Variants in VAV2 observed in about 807,000 individuals in gnomAD.
VAV2 encodes vav guanine nucleotide exchange factor 2, also known as guanine nucleotide exchange factor VAV2.
A neutral mutation model predicts 132.5 loss-of-function variants in VAV2; 67 were observed. The observed-to-expected ratio is 0.51, with a 90% CI of 0.42 to 0.62. The LOEUF is 0.62. Among genes scored for constraint, VAV2 ranks in the 20% least tolerant of loss-of-function variants. VAV2 has a pLI of 0.00. For synonymous variants in VAV2, 492 were observed against 443.5 expected, an observed-to-expected ratio of 1.11 and a Z score of -1.37; for missense variants, 938 against 1,153.6, an observed-to-expected ratio of 0.81 and a Z score of 2.71.
chr9:133,773,884 T>G (rs1203394051), intron 25 of VAV2, among the ~76,000 whole-genome samples: 1 of 152,230 alleles, frequency 6.6e-6, no homozygotes, highest in South Asian at 2.1e-4. Flanking sequence ...TCTATATGAC[T>G]GGCAGCACTG....
intron 3 of VAV2, among the ~76,000 whole-genome samples, chr9:133,856,061 C>T (rs778084658): frequency 2.6e-5 from 4 of 152,194 alleles, no homozygotes; most frequent in Non-Finnish European, 2.9e-5. Context: ...GCGAAAGGCA[C>T]GCACCGTATG....
At chr9:133,905,752 T>C (rs537565824) in intron 2 of VAV2, among the ~76,000 whole-genome samples, 45 of 152,018 alleles carry the variant, frequency 3.0e-4, no homozygotes, top group Non-Finnish European at 5.2e-4. Flanking sequence ...GAGGCTCCTA[T>C]AGCTGGGCGA....
Position 133,763,870 on chromosome 9 carries a change from T to C in VAV2, c.*192A>G, listed in dbSNP as rs566762620. ...CTATGTACAATAGCATACCCAGTGATGGGTCGCCGAGGGCAGGCTGACAGT... is the reference window on the plus strand; with the variant it reads ...CTATGTACAATAGCATACCCAGTGACGGGTCGCCGAGGGCAGGCTGACAGT... On this transcript the variant is annotated 3_prime_UTR_variant, in exon 30 of 30. Coordinates refer to ENST00000371850, the MANE Select transcript of VAV2 (RefSeq NM_001134398.2). The surrounding 1 kb of genome is among the most constrained non-coding windows in gnomAD (Gnocchi z 6.8). 1 of 659,858 alleles carries C rather than the reference T, an allele frequency of 1.5e-6. No individual in the cohort carries two copies. Among genetic ancestry groups the C allele is most frequent in the South Asian group, 1.8e-5 (1 of 55,008 alleles). The allele number at this position is 659,858 out of a possible 1,614,324, so 40.9% of individuals were successfully genotyped here. A position where few individuals can be genotyped will look rare whatever the true frequency, so the allele number is the denominator to read the frequency against.
At chr9:133,977,277 G>T (rs2132277360) in intron 1 of VAV2, among the ~76,000 whole-genome samples, 1 of 152,342 alleles carries the variant, frequency 6.6e-6, no homozygotes, top group Middle Eastern at 3.4e-3. Context: ...GAACAGCTCA[G>T]ATCTGAAGGG....
In VAV2 at chr9:133,928,430, G is replaced by A. The variant is rs1034490678; in HGVS notation, c.321+10673C>T. ...CTCCCCACCCCAGCGAGGAGCGACT[G>A]CATTTTAATAAGTAATTAGTGTGGA... On this transcript the variant is annotated intron_variant, in intron 2 of 29. Transcript: ENST00000371850. This position sits in a 1 kb window ranked among gnomAD's most constrained non-coding sequence, Gnocchi z 5.4. Among the ~76,000 whole-genome samples the A allele has an allele frequency of 6.6e-6, 1 of 152,218 alleles. No homozygotes were observed. The highest frequency in any genetic ancestry group is 2.4e-5 in the African/African-American group (1 of 41,444).
chr9:133,862,973 A>G (rs1837657628), intron 2 of VAV2, among the ~76,000 whole-genome samples: 1 of 152,164 alleles, frequency 6.6e-6, no homozygotes, highest in African/African-American at 2.4e-5. Flanking sequence ...CGCTCAGGGA[A>G]GCTGGGGTCA....
At chr9:133,816,366 G>A (rs1426416313) in intron 4 of VAV2, among the ~76,000 whole-genome samples, 1 of 152,134 alleles carries the variant, frequency 6.6e-6, no homozygotes, top group East Asian at 1.9e-4. Context: ...GCTCTGTCCT[G>A]TGTCCTAAGA....
rs1320651935 is a variant in VAV2, at chr9:133,826,222, G to A, written c.449+8050C>T. Among the ~76,000 whole-genome samples, 1 of 152,176 alleles carries A rather than the reference G, an allele frequency of 6.6e-6. No individual in the cohort carries two copies. The highest frequency in any genetic ancestry group is 1.5e-5 in the Non-Finnish European group (1 of 68,028). ...CCCTGTGTGGCATTTAACTTGCCCA[G>A]AGAAGCAGCCCCTTGAAAGGAAAGG... On this transcript the variant is annotated intron_variant, in intron 4 of 29. Coordinates refer to ENST00000371850, the MANE Select transcript of VAV2 (RefSeq NM_001134398.2). The surrounding 1 kb of genome is among the most constrained non-coding windows in gnomAD (Gnocchi z 4.2).
chr9:133,764,390 T>C (rs1253570218), intron 29 of VAV2, among the ~76,000 whole-genome samples: 3 of 152,058 alleles, frequency 2.0e-5, no homozygotes, highest in African/African-American at 7.2e-5. Flanking sequence ...CCAGAACAAC[T>C]ACAGCTTTTT....
At chr9:133,829,216 T>C (rs1836169407) in intron 4 of VAV2, among the ~76,000 whole-genome samples, 1 of 152,276 alleles carries the variant, frequency 6.6e-6, no homozygotes, top group Admixed American at 6.5e-5. Context: ...AGGCCCTCCA[T>C]TTGGGCTTAT....
chr9:133,846,315 G>A (rs745823865), intron 3 of VAV2, among the ~76,000 whole-genome samples: 27 of 152,218 alleles, frequency 1.8e-4, no homozygotes, highest in Non-Finnish European at 2.6e-4. Context: ...ACCTCCTGTC[G>A]GCACCTCCTG....
At chr9:133,974,757 G>A (rs1000511903) in intron 1 of VAV2, among the ~76,000 whole-genome samples, 35 of 78,222 alleles carry the variant, frequency 4.5e-4, no homozygotes, top group African/African-American at 1.4e-3. Context: ...GCCGCGGACA[G>A]ATAGGTCACG....
intron 1 of VAV2, among the ~76,000 whole-genome samples, chr9:133,971,735 G>T (rs1000536822): frequency 6.6e-6 from 1 of 152,120 alleles, no homozygotes; most frequent in Non-Finnish European, 1.5e-5. Context: ...CCAGTCACGG[G>T]TCCCCAGCTG....
chr9:133,869,458 A>T (rs574802592), intron 2 of VAV2, among the ~76,000 whole-genome samples: 141 of 152,226 alleles, frequency 9.3e-4, no homozygotes, highest in Non-Finnish European at 1.3e-3. Context: ...ATAAAAAAAA[A>T]AAATAACCAG....
intron 1 of VAV2, among the ~76,000 whole-genome samples, chr9:133,958,701 G>C (rs951067305): frequency 6.6e-6 from 1 of 152,070 alleles, no homozygotes; most frequent in Non-Finnish European, 1.5e-5. Context: ...TCCACCTTAC[G>C]AGAAACACCC....
intron 9 of VAV2, among the ~76,000 whole-genome samples, chr9:133,798,474 C>G (rs752482082): frequency 1.3e-5 from 2 of 152,190 alleles, no homozygotes; most frequent in Non-Finnish European, 2.9e-5. Context: ...TCTGATTCCC[C>G]CTTCAGTGCC....
At chr9:133,914,372 G>T (rs1440225900) in intron 2 of VAV2, among the ~76,000 whole-genome samples, 1 of 151,892 alleles carries the variant, frequency 6.6e-6, no homozygotes, top group African/African-American at 2.4e-5. Flanking sequence ...CACCCCAAAT[G>T]TTCATCAGCA....
At chr9:133,770,264 C>T (rs776605623) in intron 27 of VAV2, 114 bp downstream of exon 27, 91 of 1,510,046 alleles carry the variant, frequency 6.0e-5, no homozygotes, top group Non-Finnish European at 7.9e-5. Flanking sequence ...GGCTGTGTTC[C>T]CCAGGGTGGG....
rs773998403 is a variant in VAV2 at position 133,804,299 on chromosome 9, C to T, written c.836+1782G>A. 2.6e-5 allele frequency among the ~76,000 whole-genome samples: 4 copies of T among 152,240 alleles called. No homozygotes were observed. Among genetic ancestry groups the T allele is most frequent in the Non-Finnish European group, 5.9e-5 (4 of 68,048 alleles). On this transcript the variant is annotated intron_variant, in intron 9 of 29. Transcript: ENST00000371850. This position sits in a 1 kb window ranked among gnomAD's most constrained non-coding sequence, Gnocchi z 4.5. ...GACAGCCCCTTCCCCAAACAGACCC[C>T]GACTGACGGATCTCGCCACACGCCT...
Sources: allele counts gnomAD v4.1 joint callset (sites outside exome capture counted in the v4.1 genomes callset), GRCh38; gene constraint gnomAD v4.1.1; non-coding constraint Gnocchi (gnomAD v3.1); transcripts MANE v1.5; gene names NCBI Gene and HGNC (gene_info 2026-07-23, HGNC 2026-07-21).